The following MLX variants were observed in gnomAD, a reference collection of about 807,000 sequenced individuals.
The protein encoded by MLX is max-like protein X.
In MLX, 15 loss-of-function variants were observed where a neutral mutation model predicts 33.0. The ratio of observed to expected loss-of-function variants is 0.45; its 90% CI spans 0.30 to 0.70. The LOEUF (loss-of-function observed/expected upper bound fraction) is 0.70. MLX is among the 30% of genes least tolerant of loss of function. MLX has a pLI of 0.07. For synonymous variants in MLX, 115 were observed against 115.6 expected, an observed-to-expected ratio of 0.99 and a Z score of 0.03; for missense variants, 285 against 306.3, an observed-to-expected ratio of 0.93 and a Z score of 0.52.
intron 7 of MLX, among the ~76,000 whole-genome samples, chr17:42,570,857 G>A (rs994035316): frequency 1.2e-4 from 18 of 151,976 alleles, no homozygotes; most frequent in African/African-American, 1.9e-4. Context: ...GGGTTTCACC[G>A]TGTTAGCCAG....
At chr17:42,567,975 CTA>C in intron 2 of MLX, 1 of 440,502 alleles carries the variant, frequency 2.3e-6, no homozygotes, top group Non-Finnish European at 4.1e-6. Flanking sequence ...AGTGTAGACA[CTA>C]GGGAGCAGAG....
In MLX at chr17:42,568,471, G is replaced by A. The variant is rs1567908495; in HGVS notation, c.81G>A (p.Gly27=). ...GTGATTGGGGCCTCTCTTTTCCAGGGCTTTTTGTAGAAAGCACCCGCAAGG... is the reference window on the plus strand; with the variant it reads ...GTGATTGGGGCCTCTCTTTTCCAGGACTTTTTGTAGAAAGCACCCGCAAGG... ...YAYSDNSLDP[G]LFVESTRKGS... Residue 27 remains glycine (G), a splice_region_variant and synonymous_variant, in exon 3 of 8, where the codon GGG becomes GGA. Transcript: ENST00000435881. 6.2e-7 allele frequency: 1 copy of A among 1,613,542 alleles called. No homozygotes were observed. The highest frequency in any genetic ancestry group is 8.5e-7 in the Non-Finnish European group (1 of 1,179,630).
intron 7 of MLX, 23 bp downstream of exon 7, chr17:42,570,206 G>A (rs1219282294): frequency 1.2e-5 from 19 of 1,610,564 alleles, no homozygotes; most frequent in Non-Finnish European, 1.4e-5. Context: ...AATAGGCACA[G>A]GGTCTGCGGT....
At chr17:42,569,392 G>C in intron 5 of MLX, 89 bp downstream of exon 5, 1 of 1,515,736 alleles carries the variant, frequency 6.6e-7, no homozygotes, top group Non-Finnish European at 9.2e-7. Flanking sequence ...CTCGGCCTTG[G>C]TGTGGTGATT....
At position 42,572,518 on chromosome 17, in the gene MLX, C is replaced by A. The variant is rs910491748; in HGVS notation, c.*915C>A. On this transcript the variant is annotated 3_prime_UTR_variant, in exon 8 of 8. Transcript: ENST00000435881. ...TACTTAAAAGGGCTCCTGGGGTACA[C>A]AAGCCCAGCAGGTCCTGAGTGAAGC... is the stretch of plus-strand genomic sequence containing the variant. 2.2e-6 allele frequency: 1 copy of A among 454,462 alleles called. No homozygotes were observed. Among genetic ancestry groups the A allele is most frequent in the Non-Finnish European group, 4.4e-6 (1 of 226,708 alleles). The allele number at this position is 454,462 out of a possible 1,614,324, so 28.2% of individuals were successfully genotyped here. A position where few individuals can be genotyped will look rare whatever the true frequency, so the allele number is the denominator to read the frequency against.
At position 42,572,504 on chromosome 17, in the gene MLX, G is replaced by A; in HGVS notation, c.*901G>A. The A allele has an allele frequency of 2.2e-6, 1 of 454,242 alleles. No homozygotes were observed. The highest frequency in any genetic ancestry group is 4.4e-6 in the Non-Finnish European group (1 of 226,726). The allele number at this position is 454,242 out of a possible 1,614,324, so 28.1% of individuals were successfully genotyped here. ...AAGCGTACAAAAGATACTTAAAAGG[G>A]CTCCTGGGGTACACAAGCCCAGCAG... On this transcript the variant is annotated 3_prime_UTR_variant, in exon 8 of 8. Transcript: ENST00000435881.
rs754838031 is a variant in MLX at position 42,568,450 on chromosome 17, T to C, written c.80-20T>C. 30 of 1,593,926 alleles carry C rather than the reference T, an allele frequency of 1.9e-5. No homozygotes were observed. The highest frequency in any genetic ancestry group is 3.3e-5 in the Admixed American group (2 of 59,922). ...TGTTCCCCACCCCACCCCTTAGTGA[T>C]TGGGGCCTCTCTTTTCCAGGGCTTT... On this transcript the variant is annotated intron_variant, in intron 2 of 7. Transcript: ENST00000435881.
In MLX at chr17:42,567,628, G is replaced by A. The variant is rs763760312; in HGVS notation, c.52G>A (p.Ala18Thr). 1.2e-6 allele frequency: 2 copies of A among 1,613,994 alleles called. No homozygotes were observed. The highest frequency in any genetic ancestry group is 1.3e-5 in the African/African-American group (1 of 74,922). Residue 18 changes from alanine to threonine, a missense_variant, in exon 2 of 8, where the codon GCC becomes ACC. Ala to Thr is a moderately conservative substitution (Grantham distance 58, BLOSUM62 0). Coordinates refer to ENST00000435881, the MANE Select transcript of MLX (RefSeq NM_198204.2). ...PEDPWVKVEY[A>T]YSDNSLDPGL... ...GTGCTCTGTGCCGCAGGTGGAGTATGCCTACAGCGACAACAGCCTGGACCC... is the reference window on the plus strand; with the variant it reads ...GTGCTCTGTGCCGCAGGTGGAGTATACCTACAGCGACAACAGCCTGGACCC...
At chr17:42,570,678 G>A (rs1253482510) in intron 7 of MLX, among the ~76,000 whole-genome samples, 2 of 151,324 alleles carry the variant, frequency 1.3e-5, no homozygotes, top group Admixed American at 6.6e-5. Flanking sequence ...TTTTTGAGAC[G>A]GGAGTCTCGT....
At chr17:42,567,937 A>G (rs1016650990) in intron 2 of MLX, 7 of 545,736 alleles carry the variant, frequency 1.3e-5, no homozygotes, top group Non-Finnish European at 2.3e-5. Context: ...TTTGTGAGCC[A>G]GGGGGGTATC....
chr17:42,569,523 G>C lies in MLX; in HGVS notation c.393G>C (p.Gln131His), dbSNP rs768857309. The C allele has an allele frequency of 1.9e-6, 3 of 1,613,926 alleles. No homozygotes were observed. The highest frequency in any genetic ancestry group is 2.5e-6 in the Non-Finnish European group (3 of 1,179,980). ...CCACCCTAGCCATTGACTACATTCAGTTTTTGCACAAGGAGAAGAAAAAGC... is the reference window on the plus strand; with the variant it reads ...CCACCCTAGCCATTGACTACATTCACTTTTTGCACAAGGAGAAGAAAAAGC... Reference protein sequence around the residue: ...IVLQKTIDYIQFLHKEKKKQE... With the variant: ...IVLQKTIDYIHFLHKEKKKQE... Residue 131 changes from glutamine (Q) to histidine (H), a missense_variant, in exon 6 of 8, where the codon CAG becomes CAC. Transcript: ENST00000435881.
intron 4 of MLX, 102 bp from the exon 5 acceptor site, chr17:42,569,102 T>C: frequency 7.6e-7 from 1 of 1,319,614 alleles, no homozygotes; most frequent in South Asian, 1.2e-5. Context: ...TCCCACCCCA[T>C]TGAGTTTGTG....
intron 7 of MLX, 108 bp from the exon 8 acceptor site, chr17:42,571,438 AT>A: frequency 7.8e-7 from 1 of 1,275,516 alleles, no homozygotes; most frequent in Non-Finnish European, 1.1e-6. Context: ...CCGGGGGGCT[AT>A]TTTTAAAGCA....
At chr17:42,569,472 C>A (rs762257345) in intron 5 of MLX, 35 bp from the exon 6 acceptor site, 18 of 1,573,670 alleles carry the variant, frequency 1.1e-5, no homozygotes, top group Non-Finnish European at 1.6e-5. Context: ...GAGAATACTT[C>A]TGTACCTGTC....
intron 7 of MLX, 90 bp downstream of exon 7, chr17:42,570,273 AGCT>A (rs1329234654): frequency 5.4e-6 from 7 of 1,289,164 alleles, no homozygotes; most frequent in South Asian, 5.1e-5. Flanking sequence ...AAAGCGTGGC[AGCT>A]GCTTTTAGAT....
At chr17:42,567,294 GCA>G (rs2093011988) in intron 1 of MLX, 128 bp downstream of exon 1, 1 of 1,369,034 alleles carries the variant, frequency 7.3e-7, no homozygotes, top group Non-Finnish European at 9.5e-7. Context: ...CCCCGGGGCT[GCA>G]GAGAAGACAG....
chr17:42,567,969 T>A (rs1236204744), intron 2 of MLX: 1 of 470,350 alleles, frequency 2.1e-6, no homozygotes, highest in Non-Finnish European at 3.9e-6. Flanking sequence ...TGGAGCAGTG[T>A]AGACACTAGG....
chr17:42,568,888 A>T lies in MLX; in HGVS notation c.221A>T (p.Asp74Val). Residue 74 changes from aspartate (D) to valine (V), a missense_variant, in exon 4 of 8, where the codon GAC (aspartate) becomes GTC (valine). Physicochemically the swap from Asp to Val is radical, Grantham distance 152. Coordinates refer to ENST00000435881, the MANE Select transcript of MLX (RefSeq NM_198204.2). ...HQEAYKESYKDRRRRAHTQAE... is the reference protein window; with the variant it reads ...HQEAYKESYKVRRRRAHTQAE... ...GAGGCCTACAAGGAGTCCTACAAAG[A>T]CCGGCGGCGGCGCGCACACACTCAG... 6.2e-7 allele frequency: 1 copy of T among 1,611,828 alleles called. No individual in the cohort carries two copies. The highest frequency in any genetic ancestry group is 8.5e-7 in the Non-Finnish European group (1 of 1,178,934).
Position 42,572,348 on chromosome 17 carries a change from C to T in MLX, c.*745C>T, listed in dbSNP as rs921509634. The T allele has an allele frequency of 2.2e-6, 1 of 454,372 alleles. No individual in the cohort carries two copies. Among genetic ancestry groups the T allele is most frequent in the African/African-American group, 2.0e-5 (1 of 50,004 alleles). 28.1% of individuals were successfully genotyped at this position (454,372 alleles called of 1,614,324 possible). On this transcript the variant is annotated 3_prime_UTR_variant, in exon 8 of 8. Coordinates refer to ENST00000435881, the MANE Select transcript of MLX (RefSeq NM_198204.2). ...TTTTTTATTTTTCTAAATACCAATG[C>T]AGTTTTGCTACGGTTACAATTTTGA...
Sources: gnomAD v4.1 joint callset for allele counts (sites outside exome capture counted in the v4.1 genomes callset) on GRCh38, gnomAD v4.1.1 for gene constraint, MANE v1.5 for transcripts, NCBI Gene and HGNC (gene_info 2026-07-23, HGNC 2026-07-21) for gene names.